Variants in ZNF131 observed in about 807,000 individuals in gnomAD.
The protein encoded by ZNF131 is zinc finger and BTB domain containing 35.
In ZNF131, 7 loss-of-function variants were observed where a neutral mutation model predicts 60.0. The observed-to-expected ratio is 0.12, with a 90% confidence interval of 0.07 to 0.22. The LOEUF is 0.22. ZNF131 is among the 10% of genes least tolerant of loss of function. ZNF131 has a pLI of 1.00. For synonymous variants in ZNF131, 257 were observed against 253.2 expected, an observed-to-expected ratio of 1.01 and a Z score of -0.14; for missense variants, 493 against 740.9, an observed-to-expected ratio of 0.67 and a Z score of 3.88.
At chr5:43,130,919 A>C (rs1354523702) in intron 3 of ZNF131, among the ~76,000 whole-genome samples, 1 of 150,520 alleles carries the variant, frequency 6.6e-6, no homozygotes, top group Non-Finnish European at 1.5e-5. Flanking sequence ...GCTGGAGTGC[A>C]GTGGCATGAT....
intron 4 of ZNF131, among the ~76,000 whole-genome samples, chr5:43,146,514 G>A (rs1747594604): frequency 1.3e-5 from 2 of 152,074 alleles, no homozygotes; most frequent in Non-Finnish European, 2.9e-5. Context: ...AGAATGGCGT[G>A]AACCTGGGAG....
intron 4 of ZNF131, among the ~76,000 whole-genome samples, chr5:43,142,031 AT>A (rs200527451): frequency 6.6e-6 from 1 of 151,234 alleles, no homozygotes; most frequent in East Asian, 2.0e-4. Flanking sequence ...ATGTCTCATC[AT>A]TTTTTTTGGT....
At chr5:43,151,020 C>T (rs146866083) in intron 4 of ZNF131, among the ~76,000 whole-genome samples, 1,954 of 152,240 alleles carry the variant, frequency 0.013, 23 homozygotes, top group Middle Eastern at 0.048. Context: ...TTCCACTTAG[C>T]CCTGGGCATT....
chr5:43,132,859 AATG>A (rs1167873465), intron 3 of ZNF131, among the ~76,000 whole-genome samples: 1 of 152,096 alleles, frequency 6.6e-6, no homozygotes, highest in Admixed American at 6.6e-5. Context: ...TGAACACTTA[AATG>A]ATATTCCACC....
At chr5:43,130,315 A>G (rs1275030494) in intron 3 of ZNF131, among the ~76,000 whole-genome samples, 1 of 149,796 alleles carries the variant, frequency 6.7e-6, no homozygotes, top group African/African-American at 2.4e-5. Context: ...CTGAGAGATA[A>G]TAAGACAGAA....
chr5:43,164,820 G>A (rs1750148208), intron 5 of ZNF131, among the ~76,000 whole-genome samples: 1 of 152,130 alleles, frequency 6.6e-6, no homozygotes, highest in African/African-American at 2.4e-5. Context: ...ATAAATTACT[G>A]AACCATATAC....
intron 5 of ZNF131, among the ~76,000 whole-genome samples, chr5:43,163,321 A>G (rs1749980005): frequency 6.6e-6 from 1 of 152,130 alleles, no homozygotes; most frequent in Non-Finnish European, 1.5e-5. Flanking sequence ...CTGCTTTGGC[A>G]CAGTAGGTTA....
intron 3 of ZNF131, among the ~76,000 whole-genome samples, chr5:43,137,811 C>T (rs916433323): frequency 3.9e-5 from 6 of 151,972 alleles, no homozygotes; most frequent in Non-Finnish European, 7.4e-5. Context: ...ACAGTAGCCA[C>T]GAGAGGAAAT....
rs149850062 is a variant in ZNF131 at position 43,127,113 on chromosome 5, G to A, written c.226+3803G>A. Among the ~76,000 whole-genome samples, 758 of 152,142 alleles carry A rather than the reference G, an allele frequency of 5.0e-3. 7 individuals carry two copies. Among genetic ancestry groups the A allele is most frequent in the Non-Finnish European group, 7.4e-3 (504 of 68,010 alleles). On this transcript the variant is annotated intron_variant, in intron 3 of 6. Transcript: ENST00000682664. ...TATTTGCTTTATGTATTCTTTCCAG[G>A]ATTTTTAGTAATAATCAATGGACAA...
rs1370574887 is a variant in ZNF131, at chr5:43,175,094, A to C, written c.1833A>C (p.Ala611=). The C allele has an allele frequency of 6.2e-7, 1 of 1,614,066 alleles. No homozygotes were observed. The highest frequency in any genetic ancestry group is 8.5e-7 in the Non-Finnish European group (1 of 1,180,036). The change falls in exon 7 of 7, where the codon GCA becomes GCC. Residue 611 remains alanine (A), a synonymous_variant. Transcript: ENST00000682664. The part of the protein sequence containing the change: ...KPTVDSEAEK[A]ENEDRTALPV... ...CAGTGGATTCTGAAGCAGAAAAGGC[A>C]GAGAATGAGGACAGAACAGCTCTGC... is the stretch of plus-strand genomic sequence containing the variant.
At chr5:43,135,587 G>A (rs1267660243) in intron 3 of ZNF131, among the ~76,000 whole-genome samples, 4 of 150,504 alleles carry the variant, frequency 2.7e-5, no homozygotes, top group African/African-American at 7.3e-5. Context: ...TGTCTCTTCC[G>A]GAAAAAAATA....
At position 43,161,340 on chromosome 5, in the gene ZNF131, A is replaced by G. The variant is rs1213678353; in HGVS notation, c.463A>G (p.Thr155Ala). Residue 155 changes from threonine to alanine, a missense_variant, in exon 5 of 7, where the codon ACT (threonine) becomes GCT (alanine). Transcript: ENST00000682664. ...RKIAETSNVI[T>A]ESLPSAESEP... ...GATTGCAGAAACTTCAAATGTTATC[A>G]CTGAGTCATTGCCATCTGCAGAATC... 1.9e-6 allele frequency: 3 copies of G among 1,614,154 alleles called. No homozygotes were observed. The highest frequency in any genetic ancestry group is 1.7e-5 in the Admixed American group (1 of 60,012).
rs866793446 is a variant in ZNF131 at position 43,134,988 on chromosome 5, C to T, written c.227-4177C>T. Among the ~76,000 whole-genome samples the T allele has an allele frequency of 5.3e-5, 8 of 150,018 alleles. No homozygotes were observed. In the South Asian group the frequency reaches 6.3e-4, roughly 12 times the overall value. On this transcript the variant is annotated intron_variant, in intron 3 of 6. Coordinates refer to ENST00000682664, the MANE Select transcript of ZNF131 (RefSeq NM_001330707.2). ...GTTGGATTGCAGGCATGAGCCACCG[C>T]GCCCGGCCATCAGTTACATTTTTTT... is the stretch of plus-strand genomic sequence containing the variant.
Position 43,146,768 on chromosome 5 carries a change from T to C in ZNF131, c.371+7459T>C, listed in dbSNP as rs190421132. The stretch of plus-strand genomic sequence containing the variant: ...TGAAAATACAAAAATTAGCCGGACA[T>C]GGTGGCGTGCGCCTATAGTCCCAGC... On this transcript the variant is annotated intron_variant, in intron 4 of 6. Transcript: ENST00000682664. Among the ~76,000 whole-genome samples the C allele has an allele frequency of 2.7e-3, 411 of 152,098 alleles. 1 individual carries two copies. The highest frequency in any genetic ancestry group is 9.2e-3 in the African/African-American group (382 of 41,476).
At chr5:43,132,474 A>T (rs1384792459) in intron 3 of ZNF131, among the ~76,000 whole-genome samples, 1 of 151,438 alleles carries the variant, frequency 6.6e-6, no homozygotes. Flanking sequence ...TGTGAGTAAA[A>T]CATGAAAGTT....
chr5:43,175,587 G>A lies in ZNF131; in HGVS notation c.*454G>A. ...AACACAAGGCTGCATGATGAAAAGT[G>A]CATTGTTACTGTGCAGTTAAATTTT... On this transcript the variant is annotated 3_prime_UTR_variant, in exon 7 of 7. Coordinates refer to ENST00000682664, the MANE Select transcript of ZNF131 (RefSeq NM_001330707.2). 1 of 621,730 alleles carries A rather than the reference G, an allele frequency of 1.6e-6. No individual in the cohort carries two copies. The highest frequency in any genetic ancestry group is 3.0e-5 in the Admixed American group (1 of 33,302). 38.5% of individuals were successfully genotyped at this position (621,730 alleles called of 1,614,324 possible).
intron 3 of ZNF131, among the ~76,000 whole-genome samples, chr5:43,127,782 C>A (rs1355468378): frequency 6.6e-6 from 1 of 152,170 alleles, no homozygotes; most frequent in African/African-American, 2.4e-5. Flanking sequence ...TGGATTCACA[C>A]CATATAAAAT....
chr5:43,156,742 A>G (rs1021474672), intron 4 of ZNF131, among the ~76,000 whole-genome samples: 1 of 152,156 alleles, frequency 6.6e-6, no homozygotes, highest in African/African-American at 2.4e-5. Flanking sequence ...GTAGTGACTA[A>G]AGAGTACACC....
chr5:43,160,671 C>A (rs1482113563), intron 4 of ZNF131, among the ~76,000 whole-genome samples: 1 of 132,158 alleles, frequency 7.6e-6, no homozygotes, highest in Non-Finnish European at 1.7e-5. Flanking sequence ...AAATGATTAG[C>A]TTGGAACTTT....
Sources: allele counts gnomAD v4.1 joint callset (sites outside exome capture counted in the v4.1 genomes callset), GRCh38; gene constraint gnomAD v4.1.1; transcripts MANE v1.5; gene names NCBI Gene and HGNC (gene_info 2026-07-23, HGNC 2026-07-21).